ENPP6: variants seen among roughly 807,000 people sequenced by gnomAD.
The protein encoded by ENPP6 is glycerophosphocholine cholinephosphodiesterase ENPP6.
In ENPP6, 32 loss-of-function variants were observed where a neutral mutation model predicts 42.0. That is an observed-to-expected ratio of 0.76 (90% CI 0.58 to 1.02). The LOEUF (loss-of-function observed/expected upper bound fraction) is 1.02. ENPP6 is among the 50% of genes least tolerant of loss of function. The pLI, the probability that ENPP6 is intolerant of heterozygous loss-of-function variation, is 0.00. For missense variants in ENPP6, 552 were observed against 566.8 expected (o/e 0.97, Z 0.27); for synonymous variants, 213 against 216.0 (o/e 0.99, Z 0.12).
intron 7 of ENPP6, among the ~76,000 whole-genome samples, chr4:184,094,280 A>C (rs1209189892): frequency 2.0e-5 from 3 of 152,238 alleles, no homozygotes; most frequent in African/African-American, 7.2e-5. Context: ...ATCTCTAAAA[A>C]ACAAAACAAA....
At chr4:184,094,031 G>A (rs1735855124) in intron 7 of ENPP6, among the ~76,000 whole-genome samples, 1 of 152,062 alleles carries the variant, frequency 6.6e-6, no homozygotes, top group Non-Finnish European at 1.5e-5. Context: ...TGTAATCCAA[G>A]CACTTTGGGA....
At chr4:184,155,167 C>T (rs1444833718) in intron 1 of ENPP6, among the ~76,000 whole-genome samples, 2 of 152,196 alleles carry the variant, frequency 1.3e-5, no homozygotes, top group Non-Finnish European at 2.9e-5. Context: ...AGTATGTTCT[C>T]ACCAACTCAT....
At position 184,201,846 on chromosome 4, in the gene ENPP6, G is replaced by A. The variant is rs140458025; in HGVS notation, c.241+15733C>T. On this transcript the variant is annotated intron_variant, in intron 1 of 7. Transcript: ENST00000296741. ...GCCTGCTTCTTTAGGCAGCTTAATCGAGGCTCATTACAGAGAGTATAGTTT... is the reference window on the plus strand; with the variant it reads ...GCCTGCTTCTTTAGGCAGCTTAATCAAGGCTCATTACAGAGAGTATAGTTT... Among the ~76,000 whole-genome samples, 1,206 of 152,140 alleles carry A rather than the reference G, an allele frequency of 7.9e-3. 10 individuals carry two copies. Among genetic ancestry groups the A allele is most frequent in the Non-Finnish European group, 9.8e-3 (665 of 67,996 alleles).
Position 184,209,027 on chromosome 4 carries a change from T to C in ENPP6, c.241+8552A>G, listed in dbSNP as rs1001395023. The stretch of plus-strand genomic sequence containing the variant: ...CCAACAGACCTGCAGCTGAGGGTCC[T>C]GTCTGTTAGAAGGAAAACTAACAAA... On this transcript the variant is annotated intron_variant, in intron 1 of 7. Coordinates refer to ENST00000296741, the MANE Select transcript of ENPP6 (RefSeq NM_153343.4). 2.3e-4 allele frequency among the ~76,000 whole-genome samples: 34 copies of C among 144,952 alleles called. 2 individuals are homozygous for C. Among genetic ancestry groups the C allele is most frequent in the African/African-American group, 8.5e-4 (33 of 38,806 alleles).
chr4:184,176,310 C>T (rs1470337457), intron 1 of ENPP6, among the ~76,000 whole-genome samples: 4 of 152,194 alleles, frequency 2.6e-5, no homozygotes, highest in African/African-American at 9.6e-5. Context: ...AAATAGGATG[C>T]AAGGTGCATT....
intron 1 of ENPP6, among the ~76,000 whole-genome samples, chr4:184,192,355 A>G (rs554670208): frequency 8.5e-5 from 13 of 152,360 alleles, no homozygotes; most frequent in Middle Eastern, 3.4e-3. Context: ...GATTTTTGAC[A>G]AAGCTGTCAG....
chr4:184,153,126 C>CTT lies in ENPP6; in HGVS notation c.421+426_421+427dup, dbSNP rs143936726. Among the ~76,000 whole-genome samples, 166 of 146,960 alleles carry CTT rather than the reference C, an allele frequency of 1.1e-3. 2 individuals are homozygous for CTT. Among genetic ancestry groups the CTT allele is most frequent in the East Asian group, 0.011 (53 of 4,910 alleles). Reference sequence around the variant, plus strand: ...TGTGCCCATAAGACATATTTCTTTTCTTTTTCTTTTTTTTTCAAGATTGAG... The same window carrying CTT: ...TGTGCCCATAAGACATATTTCTTTTCTTTTTTTCTTTTTTTTTCAAGATTGAG... On this transcript the variant is annotated intron_variant, in intron 2 of 7. Transcript: ENST00000296741.
chr4:184,209,596 A>C (rs573132876), intron 1 of ENPP6, among the ~76,000 whole-genome samples: 1 of 151,558 alleles, frequency 6.6e-6, no homozygotes, highest in South Asian at 2.1e-4. Flanking sequence ...TGAAAAGACC[A>C]AATCTACATC....
chr4:184,097,186 C>A (rs1735925256), intron 7 of ENPP6, 59 bp downstream of exon 7: 2 of 1,607,756 alleles, frequency 1.2e-6, no homozygotes, highest in East Asian at 4.5e-5. Context: ...CCGTAGCCCC[C>A]CTTACAGACA....
chr4:184,158,489 C>G (rs1305089687), intron 1 of ENPP6, among the ~76,000 whole-genome samples: 2 of 152,092 alleles, frequency 1.3e-5, no homozygotes, highest in Non-Finnish European at 2.9e-5. Context: ...CTCAGTTATA[C>G]AGGAAAATGA....
intron 2 of ENPP6, among the ~76,000 whole-genome samples, chr4:184,136,772 CT>C (rs1736735800): frequency 6.6e-6 from 1 of 152,202 alleles, no homozygotes; most frequent in Non-Finnish European, 1.5e-5. Flanking sequence ...TTCTCATTGT[CT>C]TTGGTTTTCA....
chr4:184,125,739 A>C (rs1166532282), intron 2 of ENPP6, among the ~76,000 whole-genome samples: 2 of 152,228 alleles, frequency 1.3e-5, no homozygotes. Flanking sequence ...CTAGAAAAGC[A>C]GGAAGTTTCC....
chr4:184,207,659 C>G (rs1430783104), intron 1 of ENPP6, among the ~76,000 whole-genome samples: 1 of 152,316 alleles, frequency 6.6e-6, no homozygotes, highest in African/African-American at 2.4e-5. Flanking sequence ...CAGCTCAGAT[C>G]TCTCCTCTTT....
At chr4:184,119,142 A>G (rs2111348252) in intron 3 of ENPP6, among the ~76,000 whole-genome samples, 1 of 152,366 alleles carries the variant, frequency 6.6e-6, no homozygotes, top group South Asian at 2.1e-4. Flanking sequence ...ATTGGAGTTC[A>G]GACTCCGGAA....
intron 2 of ENPP6, 62 bp from the exon 3 acceptor site, chr4:184,124,334 C>CTT: frequency 7.9e-7 from 1 of 1,263,982 alleles, no homozygotes; most frequent in Non-Finnish European, 1.1e-6. Flanking sequence ...AGTTATGAGC[C>CTT]TATTTCAGGA....
intron 3 of ENPP6, among the ~76,000 whole-genome samples, chr4:184,120,064 C>G (rs1326690218): frequency 1.3e-5 from 2 of 152,186 alleles, no homozygotes; most frequent in Non-Finnish European, 2.9e-5. Flanking sequence ...GCACTTGACA[C>G]ATAGTAAAAG....
intron 1 of ENPP6, among the ~76,000 whole-genome samples, chr4:184,161,625 A>G (rs1157319282): frequency 1.3e-5 from 2 of 152,148 alleles, no homozygotes; most frequent in East Asian, 3.9e-4. Context: ...ATAGGGAATC[A>G]GCCCAAATGC....
rs1029107096 is a variant in ENPP6 at position 184,124,186 on chromosome 4, C to T, written c.508G>A (p.Val170Ile). 4 of 1,613,892 alleles carry T rather than the reference C, an allele frequency of 2.5e-6. No homozygotes were observed. The highest frequency in any genetic ancestry group is 2.5e-6 in the Non-Finnish European group (3 of 1,179,918). Residue 170 changes from valine (V) to isoleucine (I), a missense_variant, in exon 3 of 8, where the codon GTC becomes ATC. Val to Ile is a conservative substitution (Grantham distance 29). This residue lies in a region of ENPP6 where 545 missense variants were observed against 546.3 expected (regional missense o/e 1.00). Transcript: ENST00000296741. ...VPTDINFANA[V>I]SDALDSFKSG... ...TTGAAGGAGTCAAGAGCATCGCTGA[C>T]TGCATTGGCAAAATTGATATCCGTT...
At chr4:184,160,258 C>T (rs1185123815) in intron 1 of ENPP6, among the ~76,000 whole-genome samples, 1 of 152,212 alleles carries the variant, frequency 6.6e-6, no homozygotes, top group East Asian at 1.9e-4. Context: ...TACTGGTTTA[C>T]ATTCTCACCA....
Sources: gnomAD v4.1 joint callset for allele counts (sites outside exome capture counted in the v4.1 genomes callset) on GRCh38, gnomAD v4.1.1 for gene constraint, gnomAD v4.1.1 regional missense constraint, MANE v1.5 for transcripts, NCBI Gene and HGNC (gene_info 2026-07-23, HGNC 2026-07-21) for gene names.